PCDH15: variants seen among roughly 807,000 people sequenced by gnomAD.
PCDH15 encodes the protein protocadherin-15.
In PCDH15, 129 loss-of-function variants were observed where a neutral mutation model predicts 178.5. The ratio of observed to expected loss-of-function variants is 0.72; its 90% CI spans 0.63 to 0.84. The LOEUF is 0.84. Among genes scored for constraint, PCDH15 ranks in the 40% least tolerant of loss-of-function variants. The pLI is 0.00. For synonymous variants in PCDH15, 800 were observed against 732.0 expected (o/e 1.09, Z -1.50); for missense variants, 2,230 against 2,099.9 (o/e 1.06, Z -1.21).
At chr10:55,494,025 T>C (rs947024621) in intron 2 of PCDH15, among the ~76,000 whole-genome samples, 2 of 151,888 alleles carry the variant, frequency 1.3e-5, no homozygotes, top group African/African-American at 2.4e-5. Flanking sequence ...GCTTGTTTTA[T>C]GGTCTAACAC....
chr10:54,200,554 T>C (rs150443871), intron 10 of PCDH15, among the ~76,000 whole-genome samples: 2 of 152,226 alleles, frequency 1.3e-5, no homozygotes, highest in East Asian at 3.9e-4. Context: ...CAAGTTTTCT[T>C]AAACCCACTT....
chr10:54,648,135 G>GGGGT (rs554094136), intron 2 of PCDH15, among the ~76,000 whole-genome samples: 29 of 152,080 alleles, frequency 1.9e-4, no homozygotes, highest in Admixed American at 1.4e-3. Flanking sequence ...TTAATTCCAA[G>GGGGT]GGGTTCCTCT....
chr10:55,607,163 G>T (rs1462436569), intron 2 of PCDH15, among the ~76,000 whole-genome samples: 1 of 151,148 alleles, frequency 6.6e-6, no homozygotes, highest in African/African-American at 2.4e-5. Flanking sequence ...ATCATCACTG[G>T]CCATCAGAGA....
At chr10:54,711,246 T>C (rs1433332410) in intron 1 of PCDH15, among the ~76,000 whole-genome samples, 1 of 151,958 alleles carries the variant, frequency 6.6e-6, no homozygotes, top group Non-Finnish European at 1.5e-5. Flanking sequence ...CAAACAAAAA[T>C]GATATCTTTC....
chr10:55,502,495 A>T (rs1840677959), intron 2 of PCDH15, among the ~76,000 whole-genome samples: 1 of 151,726 alleles, frequency 6.6e-6, no homozygotes, highest in Non-Finnish European at 1.5e-5. Flanking sequence ...TTGGAGTGTC[A>T]TATTTATTAT....
chr10:54,787,734 C>T (rs992606608), intron 1 of PCDH15, among the ~76,000 whole-genome samples: 3 of 151,876 alleles, frequency 2.0e-5, no homozygotes, highest in Admixed American at 1.3e-4. Context: ...AGCCAACATA[C>T]GGATTTTGAG....
chr10:53,870,806 A>G (rs1373333632), intron 26 of PCDH15, among the ~76,000 whole-genome samples: 2 of 152,234 alleles, frequency 1.3e-5, no homozygotes, highest in Non-Finnish European at 1.5e-5. Context: ...TATAAAATCA[A>G]TAACAGGATA....
At chr10:54,696,986 G>A (rs887341569) in intron 1 of PCDH15, among the ~76,000 whole-genome samples, 2 of 152,000 alleles carry the variant, frequency 1.3e-5, no homozygotes, top group Admixed American at 1.3e-4. Context: ...TCACTATGTT[G>A]CCCAGACTGG....
In PCDH15 at chr10:54,369,113, A is replaced by C; in HGVS notation, c.474+7T>G. The C allele has an allele frequency of 6.2e-7, 1 of 1,612,628 alleles. No individual in the cohort carries two copies. The highest frequency in any genetic ancestry group is 8.5e-7 in the Non-Finnish European group (1 of 1,179,096). On this transcript the variant is annotated splice_region_variant and intron_variant, in intron 5 of 37. Coordinates refer to ENST00000644397, the MANE Select transcript of PCDH15 (RefSeq NM_001384140.1). ...AAAGGACAGAGAGAGAGTAAATAGAAACTGACCTCATTCACTGTGGCATAG... is the reference window on the plus strand; with the variant it reads ...AAAGGACAGAGAGAGAGTAAATAGACACTGACCTCATTCACTGTGGCATAG...
chr10:55,362,099 A>T (rs2131979621), intron 2 of PCDH15, among the ~76,000 whole-genome samples: 1 of 152,194 alleles, frequency 6.6e-6, no homozygotes, highest in East Asian at 1.9e-4. Context: ...CATAGTATTG[A>T]CCATTTTTCC....
At chr10:54,129,033 T>C (rs139009468) in intron 15 of PCDH15, among the ~76,000 whole-genome samples, 523 of 152,316 alleles carry the variant, frequency 3.4e-3, no homozygotes, top group Admixed American at 6.7e-3. Context: ...AGAGCACTGA[T>C]TTATTAATCA....
chr10:54,448,054 G>C (rs1347493851), intron 3 of PCDH15, among the ~76,000 whole-genome samples: 2 of 151,442 alleles, frequency 1.3e-5, no homozygotes, highest in Admixed American at 6.6e-5. Context: ...GAACGTTAAA[G>C]TTTCTCCACT....
intron 1 of PCDH15, among the ~76,000 whole-genome samples, chr10:55,175,689 AAAAAAGAAAAGAAAAAAG>A (rs1839466085): frequency 2.6e-5 from 4 of 151,482 alleles, no homozygotes; most frequent in African/African-American, 7.3e-5. Flanking sequence ...GAAAAAGAAA[AAAAAAGAAAAGAAAAAAG>A]AAAAAGAAAA....
chr10:55,159,582 A>T (rs903691768), intron 2 of PCDH15, among the ~76,000 whole-genome samples: 1 of 149,108 alleles, frequency 6.7e-6, no homozygotes, highest in South Asian at 2.1e-4. Context: ...TGAGAGAGAA[A>T]AGAAAAACTG....
chr10:55,276,148 T>C (rs1842590949), intron 1 of PCDH15, among the ~76,000 whole-genome samples: 1 of 151,056 alleles, frequency 6.6e-6, no homozygotes, highest in Non-Finnish European at 1.5e-5. Context: ...TGTTTTTTTT[T>C]AGTTTTCTAC....
chr10:54,386,475 G>A (rs1949949213), intron 3 of PCDH15, among the ~76,000 whole-genome samples: 2 of 151,908 alleles, frequency 1.3e-5, no homozygotes, highest in Non-Finnish European at 2.9e-5. Context: ...ACTTGAATAT[G>A]TTTTATTATT....
At chr10:54,793,679 C>CACATATATAT (rs1951657145) in intron 1 of PCDH15, among the ~76,000 whole-genome samples, 1 of 148,160 alleles carries the variant, frequency 6.7e-6, no homozygotes, top group African/African-American at 2.5e-5. Flanking sequence ...CATATATACA[C>CACATATATAT]ACATATATAT....
intron 2 of PCDH15, among the ~76,000 whole-genome samples, chr10:54,985,537 T>A (rs1839342654): frequency 6.6e-6 from 1 of 152,114 alleles, no homozygotes; most frequent in Non-Finnish European, 1.5e-5. Flanking sequence ...TCAAAATACT[T>A]ACATTAGCCT....
At position 54,074,539 on chromosome 10, in the gene PCDH15, C is replaced by T. The variant is rs565211861; in HGVS notation, c.2091+4792G>A. ...TGTCATACTTTCTTCCATCTTAAGG[C>T]CGAATGATATTTCATTATATGTATA... On this transcript the variant is annotated intron_variant, in intron 17 of 37. Transcript: ENST00000644397. Among the ~76,000 whole-genome samples the T allele has an allele frequency of 5.3e-5, 8 of 152,212 alleles. No homozygotes were observed. The East Asian group carries it at 1.5e-3, about 29-fold the overall frequency.
Sources: gnomAD v4.1 joint callset for allele counts (sites outside exome capture counted in the v4.1 genomes callset) on GRCh38, gnomAD v4.1.1 for gene constraint, MANE v1.5 for transcripts, NCBI Gene and HGNC (gene_info 2026-07-23, HGNC 2026-07-21) for gene names.